Variants in FEZ2 observed in about 807,000 individuals in gnomAD.
FEZ2 encodes fasciculation and elongation protein zeta-2.
FEZ2 carries 51 observed loss-of-function variants against 40.4 expected under a neutral mutation model. That is an observed-to-expected ratio of 1.26 (90% CI 1.01 to 1.59). FEZ2 has a LOEUF of 1.59. Among genes scored for constraint, FEZ2 ranks in the 40% most tolerant of loss-of-function variants. The probability of loss-of-function intolerance (pLI) is 0.00; values close to 1 mark genes in which losing one functional copy is unlikely to be tolerated. For synonymous variants in FEZ2, 242 were observed against 172.0 expected (o/e 1.41, Z -3.18); for missense variants, 640 against 438.3 (o/e 1.46, Z -4.11).
chr2:36,588,563 T>C (rs1019544783), intron 2 of FEZ2, among the ~76,000 whole-genome samples: 1 of 152,158 alleles, frequency 6.6e-6, no homozygotes, highest in Admixed American at 6.5e-5. Context: ...AAGTCCCTTA[T>C]ATAAAGTGGG....
At chr2:36,553,758 G>C (rs1348743253) in intron 7 of FEZ2, among the ~76,000 whole-genome samples, 1 of 152,086 alleles carries the variant, frequency 6.6e-6, no homozygotes, top group East Asian at 1.9e-4. Context: ...TTAAAACTAA[G>C]TGGTGTATTT....
At chr2:36,564,326 C>T (rs1668173275) in intron 5 of FEZ2, among the ~76,000 whole-genome samples, 1 of 152,118 alleles carries the variant, frequency 6.6e-6, no homozygotes, top group Non-Finnish European at 1.5e-5. Flanking sequence ...GTCCTCTTCC[C>T]CACCAAAACA....
chr2:36,576,795 A>G (rs1259834525), intron 5 of FEZ2, among the ~76,000 whole-genome samples: 3 of 152,242 alleles, frequency 2.0e-5, no homozygotes, highest in Non-Finnish European at 4.4e-5. Context: ...TTCTCAATAT[A>G]AATGCCATGT....
At chr2:36,570,789 C>G (rs1417045817) in intron 5 of FEZ2, among the ~76,000 whole-genome samples, 2 of 152,126 alleles carry the variant, frequency 1.3e-5, no homozygotes, top group African/African-American at 4.8e-5. Context: ...TATAGATAAA[C>G]ATAGAAAAAG....
rs879368823 is a variant in FEZ2 at position 36,593,209 on chromosome 2, A to G, written c.267-2198T>C. 6.1e-4 allele frequency among the ~76,000 whole-genome samples: 93 copies of G among 151,980 alleles called. 2 individuals carry two copies. In the East Asian group the frequency reaches 0.016, roughly 26 times the overall value. On this transcript the variant is annotated intron_variant, in intron 1 of 7. Coordinates refer to ENST00000405912, the MANE Select transcript of FEZ2 (RefSeq NM_005102.3). Reference sequence around the variant, plus strand: ...GGAGGCCTCAGAATCATGGTGGGAGACAAAAGGCACTTCTTACATGGTGGC... The same window carrying G: ...GGAGGCCTCAGAATCATGGTGGGAGGCAAAAGGCACTTCTTACATGGTGGC...
chr2:36,573,460 C>T (rs1376488805), intron 5 of FEZ2, among the ~76,000 whole-genome samples: 1 of 152,148 alleles, frequency 6.6e-6, no homozygotes, highest in East Asian at 1.9e-4. Flanking sequence ...AGCCTGGCTC[C>T]CCCAATAAAA....
rs1573018965 is a variant in FEZ2 at position 36,578,639 on chromosome 2, G to T, written c.861C>A (p.Ser287Arg). 1 of 1,613,392 alleles carries T rather than the reference G, an allele frequency of 6.2e-7. No homozygotes were observed. The highest frequency in any genetic ancestry group is 1.1e-5 in the South Asian group (1 of 90,974). The change falls in exon 5 of 8, where the codon AGC becomes AGA. Residue 287 changes from serine to arginine, a missense_variant. By Grantham distance (110) the Ser-to-Arg change is moderately radical. Coordinates refer to ENST00000405912, the MANE Select transcript of FEZ2 (RefSeq NM_005102.3). ...TTCTCTCATTCTTCCCATTCTGAGA[G>T]CTGCCATTTTTTAGTTTCTTTTTCT... ...AKKKKKLKNG[S>R]SQNGKNERSH...
intron 5 of FEZ2, among the ~76,000 whole-genome samples, chr2:36,570,058 T>G (rs1008609244): frequency 2.0e-5 from 3 of 152,132 alleles, no homozygotes; most frequent in Admixed American, 1.3e-4. Context: ...TTTAATAAAT[T>G]AAAATAATCA....
intron 5 of FEZ2, among the ~76,000 whole-genome samples, chr2:36,568,276 G>A (rs538732434): frequency 3.9e-5 from 6 of 152,180 alleles, no homozygotes; most frequent in South Asian, 4.2e-4. Flanking sequence ...ATACCAAAGC[G>A]CCAACAGAAC....
chr2:36,575,285 A>C (rs769527220), intron 5 of FEZ2, among the ~76,000 whole-genome samples: 13 of 152,160 alleles, frequency 8.5e-5, no homozygotes, highest in Admixed American at 8.5e-4. Flanking sequence ...CCTGGGCTCA[A>C]GCAATCCTCT....
At chr2:36,589,599 G>A (rs1044696111) in intron 2 of FEZ2, 1 of 152,220 alleles carries the variant, frequency 6.6e-6, no homozygotes, top group Non-Finnish European at 1.5e-5. Context: ...CAGGACCTAA[G>A]TAAACAAGAC....
intron 1 of FEZ2, among the ~76,000 whole-genome samples, chr2:36,596,211 G>C (rs999732290): frequency 1.3e-5 from 2 of 152,134 alleles, no homozygotes; most frequent in Non-Finnish European, 2.9e-5. Context: ...CCAATAAAAG[G>C]AGATGGTCTC....
Position 36,590,940 on chromosome 2 carries a change from G to A in FEZ2, c.338C>T (p.Thr113Ile). The A allele has an allele frequency of 6.2e-7, 1 of 1,612,202 alleles. No homozygotes were observed. The highest frequency in any genetic ancestry group is 8.5e-7 in the Non-Finnish European group (1 of 1,178,280). ...GAGGTTCAGAGTAAGCAAGTGCAAG[G>A]TCCTAGTATGCGATGACTTCCAGTC... ...PVDWKSSHTR[T>I]LHLLTLNLSE... The change falls in exon 2 of 8, where the codon ACC (threonine) becomes ATC (isoleucine). Residue 113 changes from threonine (T) to isoleucine (I), a missense_variant. Thr to Ile is a moderately conservative substitution (Grantham distance 89). Coordinates refer to ENST00000405912, the MANE Select transcript of FEZ2 (RefSeq NM_005102.3).
At chr2:36,596,217 G>C (rs1487210947) in intron 1 of FEZ2, among the ~76,000 whole-genome samples, 4 of 152,178 alleles carry the variant, frequency 2.6e-5, no homozygotes, top group African/African-American at 9.7e-5. Context: ...AAAGGAGATG[G>C]TCTCCAAACA....
At chr2:36,581,062 T>G (rs981230493) in intron 4 of FEZ2, among the ~76,000 whole-genome samples, 1 of 152,102 alleles carries the variant, frequency 6.6e-6, no homozygotes, top group South Asian at 2.1e-4. Flanking sequence ...TGAGGCAGAA[T>G]TGCTTGAACC....
chr2:36,584,486 A>T (rs1668843514), intron 2 of FEZ2, among the ~76,000 whole-genome samples: 1 of 152,196 alleles, frequency 6.6e-6, no homozygotes, highest in African/African-American at 2.4e-5. Flanking sequence ...AGCAGATTAA[A>T]ATGAACAAGG....
intron 2 of FEZ2, chr2:36,590,361 A>AT (rs112637772): frequency 0.48 from 72,664 of 151,756 alleles, 18,721 homozygotes; most frequent in East Asian, 0.84. Context: ...GTTTCAGTGC[A>AT]CCAAATTTTA....
intron 4 of FEZ2, 150 bp downstream of exon 4, chr2:36,581,140 T>C (rs979635854): frequency 1.3e-6 from 1 of 775,122 alleles, no homozygotes; most frequent in Middle Eastern, 2.9e-4. Context: ...AAAAGTGAAA[T>C]CCCGTCTCAA....
chr2:36,585,635 G>A (rs1668879779), intron 2 of FEZ2, among the ~76,000 whole-genome samples: 1 of 152,128 alleles, frequency 6.6e-6, no homozygotes, highest in Non-Finnish European at 1.5e-5. Context: ...AAAAAGGCAG[G>A]TAGTATCCTA....
Sources: gnomAD v4.1 joint callset for allele counts (sites outside exome capture counted in the v4.1 genomes callset) on GRCh38, gnomAD v4.1.1 for gene constraint, MANE v1.5 for transcripts, NCBI Gene and HGNC (gene_info 2026-07-23, HGNC 2026-07-21) for gene names.